The following JAK1 variants were observed in gnomAD, a reference collection of about 807,000 sequenced individuals.
The protein encoded by JAK1 is Janus kinase 1, also known as tyrosine-protein kinase JAK1.
Under a neutral mutation model 136.6 loss-of-function variants are expected in JAK1, and 16 were observed. The observed-to-expected ratio is 0.12, with a 90% CI of 0.08 to 0.18. The LOEUF (loss-of-function observed/expected upper bound fraction) is 0.18. JAK1 is among the 10% of genes least tolerant of loss of function. The probability of loss-of-function intolerance (pLI) is 1.00; values close to 1 mark genes in which losing one functional copy is unlikely to be tolerated. For synonymous variants in JAK1, 492 were observed against 519.5 expected (o/e 0.95, Z 0.72); for missense variants, 859 against 1,450.1 (o/e 0.59, Z 6.62).
chr1:64,859,465 C>T (rs539506845), intron 9 of JAK1, among the ~76,000 whole-genome samples: 3 of 152,326 alleles, frequency 2.0e-5, no homozygotes, highest in East Asian at 3.9e-4. Context: ...TCAGCACAGG[C>T]TGCCAGTTCT....
At chr1:65,048,838 A>G (rs1160187754) in intron 1 of JAK1, among the ~76,000 whole-genome samples, 1 of 152,186 alleles carries the variant, frequency 6.6e-6, no homozygotes, top group Admixed American at 6.5e-5. Context: ...TTTTCTGTTG[A>G]ACTTTTTCTC....
chr1:64,893,836 T>C (rs992432073), intron 1 of JAK1, among the ~76,000 whole-genome samples: 23 of 152,236 alleles, frequency 1.5e-4, no homozygotes, highest in African/African-American at 4.8e-5. Flanking sequence ...CTCCTGCTGA[T>C]AAGTCATCTG....
intron 2 of JAK1, among the ~76,000 whole-genome samples, chr1:64,979,047 T>G (rs1033734460): frequency 6.6e-6 from 1 of 152,172 alleles, no homozygotes; most frequent in Non-Finnish European, 1.5e-5. Context: ...GTGGGATAAC[T>G]GAAGTGTAAA....
chr1:65,047,546 G>A lies in JAK1; in HGVS notation c.-180-2964C>T, dbSNP rs573182117. 1.1e-3 allele frequency among the ~76,000 whole-genome samples: 165 copies of A among 152,136 alleles called. 1 individual carries two copies. Among genetic ancestry groups the A allele is most frequent in the Non-Finnish European group, 1.8e-3 (122 of 68,002 alleles). On this transcript the variant is annotated intron_variant, in intron 1 of 25. Transcript: ENST00000671954. ...ATCCTGGCTAACACGGTGAAACCCC[G>A]TCTCTACTAAAAATACAAAACAATT...
chr1:64,991,199 G>A (rs1557746958), intron 2 of JAK1: 6 of 152,104 alleles, frequency 3.9e-5, no homozygotes, highest in Admixed American at 3.9e-4. Context: ...TAACTGAAAT[G>A]AAAAAAACCA....
At chr1:65,017,967 G>T (rs1646904128) in intron 2 of JAK1, among the ~76,000 whole-genome samples, 1 of 151,564 alleles carries the variant, frequency 6.6e-6, no homozygotes, top group Non-Finnish European at 1.5e-5. Context: ...CTGCCACCAG[G>T]CCCAACTAAT....
intron 2 of JAK1, among the ~76,000 whole-genome samples, chr1:64,975,603 T>G (rs1294786421): frequency 6.6e-6 from 1 of 152,226 alleles, no homozygotes; most frequent in African/African-American, 2.4e-5. Context: ...GCATGGCCCA[T>G]TTCCCTCACC....
At chr1:65,055,865 C>T (rs1647511180) in intron 1 of JAK1, among the ~76,000 whole-genome samples, 1 of 152,182 alleles carries the variant, frequency 6.6e-6, no homozygotes, top group African/African-American at 2.4e-5. Context: ...ACCCAACACT[C>T]AGTTCTTCAA....
At chr1:64,927,129 T>C (rs1454949501) in intron 1 of JAK1, among the ~76,000 whole-genome samples, 1 of 152,224 alleles carries the variant, frequency 6.6e-6, no homozygotes, top group East Asian at 1.9e-4. Context: ...TCTTTGGGTC[T>C]GCTTATGTGC....
intron 1 of JAK1, among the ~76,000 whole-genome samples, chr1:64,913,692 G>GAAGGAAGA (rs1645334510): frequency 3.7e-5 from 1 of 27,058 alleles, no homozygotes; most frequent in Non-Finnish European, 8.7e-5. Flanking sequence ...AGGAAGGAAG[G>GAAGGAAGA]AAGGAAGGAA....
chr1:65,024,393 G>A (rs578235538), intron 2 of JAK1, among the ~76,000 whole-genome samples: 3 of 152,180 alleles, frequency 2.0e-5, no homozygotes, highest in Admixed American at 6.5e-5. Context: ...TTGGCTACTT[G>A]TACACCTTCT....
At chr1:65,014,411 T>A in intron 2 of JAK1, among the ~76,000 whole-genome samples, 2 of 131,976 alleles carry the variant, frequency 1.5e-5, no homozygotes, top group South Asian at 2.3e-4. Context: ...GGAAAGAAGG[T>A]AGAAAGAAAA....
upstream of JAK1, among the ~76,000 whole-genome samples, chr1:64,970,372 C>T (rs1395050647): frequency 6.6e-6 from 1 of 151,660 alleles, no homozygotes; most frequent in African/African-American, 2.4e-5. Context: ...ACCCGGAAGG[C>T]AGAGGCTGCA....
Position 64,845,008 on chromosome 1 carries a change from C to T in JAK1, c.2116-119G>A, listed in dbSNP as rs1232130402. On this transcript the variant is annotated intron_variant, in intron 15 of 24. Coordinates refer to ENST00000342505, the MANE Select transcript of JAK1 (RefSeq NM_002227.4). The stretch of plus-strand genomic sequence containing the variant: ...CTACAGCCAGATCTGGACAGCCTGG[C>T]CCTGCTGCCAATCATCTGTGTGACT... The T allele has an allele frequency of 2.2e-6, 3 of 1,352,548 alleles. No individual in the cohort carries two copies. The East Asian group carries it at 7.0e-5, about 31-fold the overall frequency. 83.8% of individuals were successfully genotyped at this position (1,352,548 alleles called of 1,614,324 possible). A position where few individuals can be genotyped will look rare whatever the true frequency, so the allele number is the denominator to read the frequency against.
chr1:64,859,213 G>C lies in JAK1; in HGVS notation c.1334+892C>G, dbSNP rs370974538. On this transcript the variant is annotated intron_variant, in intron 9 of 24. Coordinates refer to ENST00000342505, the MANE Select transcript of JAK1 (RefSeq NM_002227.4). ...AGAGATGCTTCCCCAGATATTCTGTGGTCTGAAAAGAGAGGCTCAGAAGAA... is the reference window on the plus strand; with the variant it reads ...AGAGATGCTTCCCCAGATATTCTGTCGTCTGAAAAGAGAGGCTCAGAAGAA... Among the ~76,000 whole-genome samples the C allele has an allele frequency of 1.2e-4, 18 of 152,318 alleles. 1 individual carries two copies. Among genetic ancestry groups the C allele is most frequent in the Admixed American group, 3.9e-4 (6 of 15,304 alleles).
At chr1:64,990,956 A>G (rs1381970030) in intron 2 of JAK1, 1 of 151,084 alleles carries the variant, frequency 6.6e-6, no homozygotes, top group Non-Finnish European at 1.5e-5. Context: ...AAGAAAAAAA[A>G]AAAGAAAAGA....
At chr1:64,881,237 AG>A (rs1345428827) in intron 3 of JAK1, among the ~76,000 whole-genome samples, 17 of 149,930 alleles carry the variant, frequency 1.1e-4, no homozygotes, top group African/African-American at 3.9e-4. Context: ...ACTCCAGTCT[AG>A]GGGACAGAGC....
chr1:65,020,438 C>T (rs377522683), intron 2 of JAK1, among the ~76,000 whole-genome samples: 1 of 152,108 alleles, frequency 6.6e-6, no homozygotes, highest in Non-Finnish European at 1.5e-5. Flanking sequence ...ATTTTCTCAG[C>T]ATCATTGTTC....
At chr1:64,933,929 G>A (rs1463823186) in intron 1 of JAK1, among the ~76,000 whole-genome samples, 1 of 152,116 alleles carries the variant, frequency 6.6e-6, no homozygotes, top group Non-Finnish European at 1.5e-5. Context: ...AGGCACTACG[G>A]AATATACTAC....
Sources: gnomAD v4.1 joint callset for allele counts (sites outside exome capture counted in the v4.1 genomes callset) on GRCh38, gnomAD v4.1.1 for gene constraint, MANE v1.5 for transcripts, NCBI Gene and HGNC (gene_info 2026-07-23, HGNC 2026-07-21) for gene names.